The following SYNE2 variants were observed in gnomAD, a reference collection of about 807,000 sequenced individuals.
SYNE2 encodes spectrin repeat containing nuclear envelope protein 2, also known as nesprin-2.
SYNE2 carries 431 observed loss-of-function variants against 856.3 expected under a neutral mutation model. The ratio of observed to expected loss-of-function variants is 0.50; its 90% CI spans 0.47 to 0.55. The LOEUF is 0.55. Ranked by LOEUF, SYNE2 falls within the 20% of genes least tolerant of loss-of-function variation. SYNE2 has a pLI of 0.00. For synonymous variants in SYNE2, 2,923 were observed against 2,872.3 expected, an observed-to-expected ratio of 1.02 and a Z score of -0.56; for missense variants, 8,129 against 8,023.2, an observed-to-expected ratio of 1.01 and a Z score of -0.50.
intron 1 of SYNE2, among the ~76,000 whole-genome samples, chr14:63,847,585 ATTT>A (rs1194475873): frequency 2.9e-5 from 4 of 137,578 alleles, no homozygotes; most frequent in Admixed American, 7.3e-5. Context: ...TATGTTCTGT[ATTT>A]TTTTTTTTTT....
intron 2 of SYNE2, among the ~76,000 whole-genome samples, chr14:63,924,500 T>C (rs1461536158): frequency 2.0e-5 from 3 of 152,236 alleles, no homozygotes; most frequent in Admixed American, 6.5e-5. Flanking sequence ...GAATATAGGC[T>C]ATCTTTATAT....
intron 1 of SYNE2, among the ~76,000 whole-genome samples, chr14:63,872,760 T>G (rs1428381659): frequency 7.9e-5 from 2 of 25,462 alleles, no homozygotes; most frequent in Admixed American, 1.1e-3. Context: ...AGACTCTGCC[T>G]CAAAAAAAAA....
intron 1 of SYNE2, 45 bp downstream of exon 1, chr14:63,853,188 G>A (rs1161409502): frequency 2.6e-5 from 4 of 151,634 alleles, no homozygotes; most frequent in Non-Finnish European, 5.9e-5. Context: ...GGTGCGCCCC[G>A]GAGAGAGTGG....
chr14:63,997,494 A>G (rs185480045), intron 25 of SYNE2, 103 bp downstream of exon 25: 1 of 987,258 alleles, frequency 1.0e-6, no homozygotes, highest in African/African-American at 1.6e-5. Context: ...TAATTATTCG[A>G]TTGTTTTTAT....
In SYNE2 at chr14:63,963,881, T is replaced by A. The variant is rs760263243; in HGVS notation, c.889-18T>A. The A allele has an allele frequency of 7.6e-6, 12 of 1,581,096 alleles. No individual in the cohort carries two copies. Among genetic ancestry groups the A allele is most frequent in the Non-Finnish European group, 1.0e-5 (12 of 1,151,106 alleles). The stretch of plus-strand genomic sequence containing the variant: ...GCCCGTTTAAAATATAGTTTAATTT[T>A]GTGTGTGTAAAATACAGGGAAAGGT... On this transcript the variant is annotated intron_variant, in intron 9 of 115. Transcript: ENST00000555002.
chr14:63,979,492 A>G (rs1259016905), intron 14 of SYNE2, among the ~76,000 whole-genome samples: 1 of 152,248 alleles, frequency 6.6e-6, no homozygotes, highest in East Asian at 1.9e-4. Flanking sequence ...TCTAATTTAT[A>G]GGAAAAAATG....
intron 62 of SYNE2, 59 bp downstream of exon 62, chr14:64,098,205 T>G: frequency 6.3e-7 from 1 of 1,581,540 alleles, no homozygotes; most frequent in Non-Finnish European, 8.7e-7. Flanking sequence ...TAATGGGTAG[T>G]GTTTTCCACC....
In SYNE2 at chr14:64,098,086, G is replaced by C; in HGVS notation, c.12246G>C (p.Arg4082Ser). 6.2e-7 allele frequency: 1 copy of C among 1,614,166 alleles called. No homozygotes were observed. The highest frequency in any genetic ancestry group is 1.1e-5 in the South Asian group (1 of 91,080). Reference sequence around the variant, plus strand: ...AACAAGAAGGAGTAGAAAGAGATAGGCTGCCAGCTGTAACATCAGAGGAAG... The same window carrying C: ...AACAAGAAGGAGTAGAAAGAGATAGCCTGCCAGCTGTAACATCAGAGGAAG... ...KQEQEGVERDRLPAVTSEEGG... is the reference protein window; with the variant it reads ...KQEQEGVERDSLPAVTSEEGG... The change falls in exon 62 of 116, where the codon AGG (arginine) becomes AGC (serine). Residue 4082 changes from arginine to serine, a missense_variant. Arg to Ser is a moderately radical substitution (Grantham distance 110). Coordinates refer to ENST00000555002, the MANE Select transcript of SYNE2 (RefSeq NM_182914.3).
At chr14:64,041,370 ACAT>A (rs1211243323) in intron 45 of SYNE2, among the ~76,000 whole-genome samples, 2 of 152,204 alleles carry the variant, frequency 1.3e-5, no homozygotes, top group Non-Finnish European at 2.9e-5. Context: ...TCAACAAAAG[ACAT>A]CATACACAAA....
chr14:64,094,887 T>TC (rs1263020247), intron 61 of SYNE2: 1 of 166,254 alleles, frequency 6.0e-6, no homozygotes, highest in Non-Finnish European at 1.5e-5. Context: ...ATTTTTATTT[T>TC]CTTTTTTTTA....
At chr14:63,883,239 A>G (rs2094906829) in intron 1 of SYNE2, among the ~76,000 whole-genome samples, 1 of 152,062 alleles carries the variant, frequency 6.6e-6, no homozygotes, top group East Asian at 1.9e-4. Context: ...TTGTATTTTT[A>G]GTAGAGACGT....
At chr14:64,050,023 G>A (rs774188569) in intron 47 of SYNE2, 147 bp downstream of exon 47, 53 of 1,071,298 alleles carry the variant, frequency 4.9e-5, no homozygotes, top group Non-Finnish European at 6.3e-5. Context: ...TCATATGGAT[G>A]CTGTCTTTGT....
rs143133147 is a variant in SYNE2, at chr14:64,113,066, T to C, written c.12610-275T>C. ...GTCACTCACATTCTCACCTGTCTCC[T>C]GGGGCTCACCGGGTAGTGAACTGTG... is the stretch of plus-strand genomic sequence containing the variant. On this transcript the variant is annotated intron_variant, in intron 65 of 115. Coordinates refer to ENST00000555002, the MANE Select transcript of SYNE2 (RefSeq NM_182914.3). 4,356 of 985,374 alleles carry C rather than the reference T, an allele frequency of 4.4e-3. 11 individuals are homozygous for C. Among genetic ancestry groups the C allele is most frequent in the Non-Finnish European group, 4.8e-3 (4,020 of 829,916 alleles). The allele number at this position is 985,374 out of a possible 1,614,324, so 61.0% of individuals were successfully genotyped here.
At chr14:64,220,914 C>A (rs1056449855) in intron 111 of SYNE2, among the ~76,000 whole-genome samples, 2 of 152,132 alleles carry the variant, frequency 1.3e-5, no homozygotes, top group African/African-American at 2.4e-5. Context: ...CACCCCACAA[C>A]TCCTCTTTTT....
chr14:63,870,815 C>T (rs1283669148), intron 1 of SYNE2, among the ~76,000 whole-genome samples: 1 of 152,020 alleles, frequency 6.6e-6, no homozygotes, highest in Non-Finnish European at 1.5e-5. Context: ...AGAATGTATG[C>T]ACACGGAGTA....
At chr14:63,937,736 A>C (rs2095851116) in intron 2 of SYNE2, among the ~76,000 whole-genome samples, 1 of 152,238 alleles carries the variant, frequency 6.6e-6, no homozygotes. Context: ...TTCTCCAGCC[A>C]CATTCAGCAA....
In SYNE2 at chr14:64,165,363, T is replaced by A; in HGVS notation, c.16558T>A (p.Leu5520Met). The change falls in exon 90 of 116, where the codon TTG becomes ATG. Residue 5520 changes from leucine to methionine, a missense_variant. This residue lies in a region of SYNE2 where 5,410 missense variants were observed against 5,284.8 expected (regional missense o/e 1.02). Transcript: ENST00000555002. ...TCTTATTATGCATGAAGAAGAGAAT[T>A]TGGATAGACTTCACCAACAGGAAAA... ...KGLIMHEEEN[L>M]DRLHQQEKEN... The A allele has an allele frequency of 6.2e-7, 1 of 1,614,032 alleles. No homozygotes were observed. Among genetic ancestry groups the A allele is most frequent in the Non-Finnish European group, 8.5e-7 (1 of 1,179,970 alleles).
At chr14:64,044,993 A>G (rs1174637547) in intron 45 of SYNE2, among the ~76,000 whole-genome samples, 9 of 152,210 alleles carry the variant, frequency 5.9e-5, no homozygotes, top group Non-Finnish European at 1.3e-4. Context: ...TTTAAAATGA[A>G]TGTGCAGAGT....
At chr14:64,145,383 C>G (rs1269570353) in intron 83 of SYNE2, among the ~76,000 whole-genome samples, 2 of 151,868 alleles carry the variant, frequency 1.3e-5, no homozygotes, top group Non-Finnish European at 2.9e-5. Flanking sequence ...CGGCACGTGC[C>G]TGTAATCCCT....
Sources: gnomAD v4.1 joint callset for allele counts (sites outside exome capture counted in the v4.1 genomes callset) on GRCh38, gnomAD v4.1.1 for gene constraint, gnomAD v4.1.1 regional missense constraint, MANE v1.5 for transcripts, NCBI Gene and HGNC (gene_info 2026-07-23, HGNC 2026-07-21) for gene names.